SRBD1: variants seen among roughly 807,000 people sequenced by gnomAD.
SRBD1 encodes S1 RNA binding domain 1.
A neutral mutation model predicts 115.3 loss-of-function variants in SRBD1; 88 were observed. That is an observed-to-expected ratio of 0.76 (90% CI 0.64 to 0.91). SRBD1 has a LOEUF of 0.91. Ranked by LOEUF, SRBD1 falls within the 40% of genes least tolerant of loss-of-function variation. The pLI is 0.00. For missense variants in SRBD1, 1,385 were observed against 1,177.4 expected (o/e 1.18, Z -2.58); for synonymous variants, 509 against 407.7 (o/e 1.25, Z -2.99).
chr2:45,502,546 T>C (rs1283878532), intron 14 of SRBD1, among the ~76,000 whole-genome samples: 2 of 151,946 alleles, frequency 1.3e-5, no homozygotes, highest in Non-Finnish European at 2.9e-5. Flanking sequence ...ATGGATGAAG[T>C]TGGAAACCAT....
rs1214909220 is a variant in SRBD1, at chr2:45,599,633, G to A, written c.464C>T (p.Pro155Leu). The A allele has an allele frequency of 3.1e-6, 5 of 1,614,170 alleles. No homozygotes were observed. Among genetic ancestry groups the A allele is most frequent in the South Asian group, 1.1e-5 (1 of 91,080 alleles). ...LEGESNSSET[P>L]STSTVWGGTC... is the part of the protein sequence containing the mutation. ...ACCTCCCCACACAGTGCTTGTGGAT[G>A]GTGTCTCTGAACTATTACTCTCACC... is the stretch of plus-strand genomic sequence containing the variant. The change falls in exon 4 of 21, where the codon CCA (proline) becomes CTA (leucine). Residue 155 changes from proline (P) to leucine (L), a missense_variant. Pro to Leu is a moderately conservative substitution (Grantham distance 98). Coordinates refer to ENST00000263736, the MANE Select transcript of SRBD1 (RefSeq NM_018079.5).
At chr2:45,448,955 G>T (rs1003116139) in intron 16 of SRBD1, among the ~76,000 whole-genome samples, 1 of 152,042 alleles carries the variant, frequency 6.6e-6, no homozygotes, top group East Asian at 1.9e-4. Context: ...ATTTCCTTCA[G>T]GTTTTCCTAG....
At chr2:45,390,270 A>G (rs1365493618) in intron 20 of SRBD1, among the ~76,000 whole-genome samples, 3 of 152,112 alleles carry the variant, frequency 2.0e-5, no homozygotes, top group Non-Finnish European at 1.5e-5. Flanking sequence ...TGTTAACTCT[A>G]TTATCTCCTG....
At chr2:45,598,727 T>G (rs1673986154) in intron 4 of SRBD1, among the ~76,000 whole-genome samples, 1 of 152,068 alleles carries the variant, frequency 6.6e-6, no homozygotes, top group South Asian at 2.1e-4. Flanking sequence ...GCAGAGGCCC[T>G]CAGCTCTACA....
At chr2:45,510,472 A>T (rs978486531) in intron 14 of SRBD1, among the ~76,000 whole-genome samples, 5 of 152,224 alleles carry the variant, frequency 3.3e-5, no homozygotes, top group African/African-American at 1.2e-4. Flanking sequence ...TCTAAAATAC[A>T]GAAAAATCTT....
intron 16 of SRBD1, among the ~76,000 whole-genome samples, chr2:45,438,163 A>G (rs1668558071): frequency 6.6e-6 from 1 of 152,182 alleles, no homozygotes. Flanking sequence ...TTGCGAACCT[A>G]AAACTGCTTT....
chr2:45,497,327 T>C (rs1321528938), intron 14 of SRBD1, among the ~76,000 whole-genome samples: 1 of 152,190 alleles, frequency 6.6e-6, no homozygotes, highest in Non-Finnish European at 1.5e-5. Context: ...TAATTTCCTT[T>C]AATTCTACTA....
chr2:45,420,585 T>C (rs910672146), intron 16 of SRBD1, among the ~76,000 whole-genome samples: 2 of 152,192 alleles, frequency 1.3e-5, no homozygotes, highest in Admixed American at 6.5e-5. Flanking sequence ...GAACCATATA[T>C]CATGTACAAA....
chr2:45,449,891 A>C (rs753531634), intron 16 of SRBD1, among the ~76,000 whole-genome samples: 14 of 152,014 alleles, frequency 9.2e-5, no homozygotes, highest in Non-Finnish European at 1.8e-4. Flanking sequence ...CCAGTGCTTC[A>C]TAAGGGTGAT....
intron 16 of SRBD1, among the ~76,000 whole-genome samples, chr2:45,430,570 T>A (rs929291378): frequency 6.6e-6 from 1 of 152,054 alleles, no homozygotes; most frequent in Non-Finnish European, 1.5e-5. Flanking sequence ...ATAAATGGTG[T>A]TGGGAAAACT....
rs140063266 is a variant in SRBD1 at position 45,444,211 on chromosome 2, G to A, written c.2050-24317C>T. Among the ~76,000 whole-genome samples the A allele has an allele frequency of 1.6e-3, 242 of 152,174 alleles. 7 individuals carry two copies. The East Asian group carries it at 0.029, about 18-fold the overall frequency. ...TCTTGAGGTCAGGAGCTTGAGACCAGCCTGGGCAACATAGTGAGACCCTAA... is the reference window on the plus strand; with the variant it reads ...TCTTGAGGTCAGGAGCTTGAGACCAACCTGGGCAACATAGTGAGACCCTAA... On this transcript the variant is annotated intron_variant, in intron 16 of 20. Transcript: ENST00000263736.
rs1230287048 is a variant in SRBD1 at position 45,561,748 on chromosome 2, T to C, written c.1409+905A>G. 4.6e-5 allele frequency among the ~76,000 whole-genome samples: 7 copies of C among 152,172 alleles called. 1 individual carries two copies. Among genetic ancestry groups the C allele is most frequent in the Admixed American group, 3.9e-4 (6 of 15,284 alleles). The stretch of plus-strand genomic sequence containing the variant: ...TTAAAACTAAAAGTAAAAAGTATTA[T>C]ACAAACATGGTGCTATTTTAAAAGG... On this transcript the variant is annotated intron_variant, in intron 10 of 20. Coordinates refer to ENST00000263736, the MANE Select transcript of SRBD1 (RefSeq NM_018079.5).
At chr2:45,405,849 G>T (rs1667421940) in intron 19 of SRBD1, among the ~76,000 whole-genome samples, 1 of 152,092 alleles carries the variant, frequency 6.6e-6, no homozygotes. Flanking sequence ...CAGGAAGAAA[G>T]AATTAGAGGC....
chr2:45,418,584 G>A, intron 17 of SRBD1, 43 bp from the exon 18 acceptor site: 1 of 1,382,354 alleles, frequency 7.2e-7, no homozygotes. Flanking sequence ...GATCTCATCT[G>A]AAAAGACAAT....
At position 45,389,531 on chromosome 2, in the gene SRBD1, T is replaced by G. The variant is rs1389631443; in HGVS notation, c.2767A>C (p.Thr923Pro). The G allele has an allele frequency of 1.2e-6, 2 of 1,613,966 alleles. No individual in the cohort carries two copies. The highest frequency in any genetic ancestry group is 2.2e-5 in the South Asian group (2 of 91,080). Residue 923 changes from threonine to proline, a missense_variant, in exon 21 of 21, where the codon ACA becomes CCA. By Grantham distance (38) the Thr-to-Pro change is conservative. Coordinates refer to ENST00000263736, the MANE Select transcript of SRBD1 (RefSeq NM_018079.5). ...LEDLQIGTVL[T>P]GKVENATLFG... Reference sequence around the variant, plus strand: ...AGAGTGGCATTCTCAACTTTGCCTGTAAGAACTGTCCCAATCTGCAGATCT... The same window carrying G: ...AGAGTGGCATTCTCAACTTTGCCTGGAAGAACTGTCCCAATCTGCAGATCT...
Position 45,415,672 on chromosome 2 carries a change from GGGAGGGGAGGGGACGGGAGAGGAGA to G in SRBD1, c.2334-2404_2334-2380del, listed in dbSNP as rs1558564865. 1.8e-3 allele frequency among the ~76,000 whole-genome samples: 58 copies of G among 31,722 alleles called. 2 individuals carry two copies. Among genetic ancestry groups the G allele is most frequent in the Non-Finnish European group, 3.0e-3 (50 of 16,528 alleles). The allele number at this position is 31,722 out of a possible 152,430, so 20.8% of individuals were successfully genotyped here. A position where few individuals can be genotyped will look rare whatever the true frequency, so the allele number is the denominator to read the frequency against. On this transcript the variant is annotated intron_variant, in intron 18 of 20. Transcript: ENST00000263736. ...GGGAGGGGAGGGGAGGGGAGGGGAGGGGAGGGGAGGGGACGGGAGAGGAGAGGAGAGGAGAGGAGAGGAGAGGAGA... is the reference window on the plus strand; with the variant it reads ...GGGAGGGGAGGGGAGGGGAGGGGAGGGGAGAGGAGAGGAGAGGAGAGGAGA...
chr2:45,609,045 G>C (rs1437576329), intron 1 of SRBD1, among the ~76,000 whole-genome samples: 1 of 152,114 alleles, frequency 6.6e-6, no homozygotes, highest in Admixed American at 6.5e-5. Flanking sequence ...GGCCTCAGGT[G>C]ATCTGCCTGC....
chr2:45,417,319 G>A (rs1667862820), intron 18 of SRBD1, among the ~76,000 whole-genome samples: 2 of 152,080 alleles, frequency 1.3e-5, no homozygotes, highest in African/African-American at 4.8e-5. Context: ...TGAATTACTG[G>A]CAGTTGTCAT....
At position 45,562,763 on chromosome 2, in the gene SRBD1, G is replaced by T; in HGVS notation, c.1306-7C>A. On this transcript the variant is annotated splice_region_variant and splice_polypyrimidine_tract_variant and intron_variant, in intron 9 of 20. Coordinates refer to ENST00000263736, the MANE Select transcript of SRBD1 (RefSeq NM_018079.5). ...CACGGTTAATTGCCAGAATCTGAGT[G>T]CAAACATAAGGCAAAGACTAATAAT... The T allele has an allele frequency of 6.3e-7, 1 of 1,590,608 alleles. No homozygotes were observed. Among genetic ancestry groups the T allele is most frequent in the Non-Finnish European group, 8.6e-7 (1 of 1,166,392 alleles).
Sources: gnomAD v4.1 joint callset for allele counts (sites outside exome capture counted in the v4.1 genomes callset) on GRCh38, gnomAD v4.1.1 for gene constraint, MANE v1.5 for transcripts, NCBI Gene and HGNC (gene_info 2026-07-23, HGNC 2026-07-21) for gene names.